TAF2: variants seen among roughly 807,000 people sequenced by gnomAD.
TAF2 encodes TATA-box binding protein associated factor 2.
In TAF2, 61 loss-of-function variants were observed where a neutral mutation model predicts 138.5. That is an observed-to-expected ratio of 0.44 (90% CI 0.36 to 0.54). The LOEUF is 0.54. TAF2 is among the 20% of genes least tolerant of loss of function. The pLI is 0.00. For missense variants in TAF2, 1,090 were observed against 1,427.9 expected (o/e 0.76, Z 3.81); for synonymous variants, 475 against 469.9 (o/e 1.01, Z -0.14).
At chr8:119,800,261 G>C (rs1203641902) in intron 6 of TAF2, among the ~76,000 whole-genome samples, 2 of 152,164 alleles carry the variant, frequency 1.3e-5, no homozygotes, top group Non-Finnish European at 2.9e-5. Flanking sequence ...TTCTTCTAGG[G>C]TTTTTATAGT....
chr8:119,736,598 A>G (rs948759195), intron 25 of TAF2, among the ~76,000 whole-genome samples: 4 of 152,224 alleles, frequency 2.6e-5, no homozygotes, highest in African/African-American at 4.8e-5. Context: ...TTGTTTTCCT[A>G]TAGACTTATA....
At chr8:119,750,033 T>C (rs1208326290) in intron 22 of TAF2, among the ~76,000 whole-genome samples, 1 of 152,180 alleles carries the variant, frequency 6.6e-6, no homozygotes, top group African/African-American at 2.4e-5. Context: ...ACCACCAAAG[T>C]AGTAAATCTG....
At chr8:119,797,596 A>G in intron 7 of TAF2, 66 bp downstream of exon 7, 2 of 1,507,512 alleles carry the variant, frequency 1.3e-6, no homozygotes, top group South Asian at 1.1e-5. Context: ...ATTGACCGCA[A>G]AATCAGTAAA....
intron 25 of TAF2, among the ~76,000 whole-genome samples, chr8:119,737,548 G>A (rs1234696207): frequency 4.3e-5 from 6 of 140,578 alleles, no homozygotes; most frequent in Middle Eastern, 3.9e-3. Flanking sequence ...TCACTCTGTC[G>A]CCCAGGCTGG....
chr8:119,732,666 T>C (rs1286322310), intron 25 of TAF2, among the ~76,000 whole-genome samples: 1 of 151,866 alleles, frequency 6.6e-6, no homozygotes, highest in African/African-American at 2.4e-5. Context: ...TAGCCGGGCA[T>C]GGTGGCGGGT....
intron 22 of TAF2, among the ~76,000 whole-genome samples, chr8:119,750,713 GATGTTAATATC>G (rs1166129316): frequency 6.6e-6 from 1 of 152,130 alleles, no homozygotes; most frequent in Non-Finnish European, 1.5e-5. Flanking sequence ...GAAACCTTCT[GATGTTAATATC>G]AAAACTGTTT....
intron 18 of TAF2, among the ~76,000 whole-genome samples, chr8:119,775,194 T>A (rs1328385832): frequency 6.8e-6 from 1 of 147,654 alleles, no homozygotes; most frequent in Non-Finnish European, 1.5e-5. Context: ...GGCAGGAGAA[T>A]CGCTTAAACC....
At chr8:119,813,156 T>C (rs1047098609) in intron 3 of TAF2, among the ~76,000 whole-genome samples, 1 of 152,160 alleles carries the variant, frequency 6.6e-6, no homozygotes, top group Admixed American at 6.6e-5. Context: ...TGGGATAAGG[T>C]GTATGTCATC....
intron 2 of TAF2, among the ~76,000 whole-genome samples, chr8:119,827,376 A>C (rs1309238090): frequency 6.6e-6 from 1 of 152,202 alleles, no homozygotes; most frequent in Non-Finnish European, 1.5e-5. Flanking sequence ...TTATCTGCAC[A>C]GACATGTAGC....
chr8:119,736,766 C>T (rs888772055), intron 25 of TAF2, among the ~76,000 whole-genome samples: 1 of 152,066 alleles, frequency 6.6e-6, no homozygotes, highest in Admixed American at 6.6e-5. Context: ...CAAAAAGAGT[C>T]GACCAGACAT....
intron 3 of TAF2, among the ~76,000 whole-genome samples, chr8:119,806,717 C>T (rs527597452): frequency 2.0e-5 from 3 of 152,114 alleles, no homozygotes; most frequent in African/African-American, 4.8e-5. Flanking sequence ...ATCCATTCAC[C>T]TTGGCCTCCC....
intron 24 of TAF2, among the ~76,000 whole-genome samples, chr8:119,743,898 A>C (rs1372864847): frequency 6.6e-6 from 1 of 152,164 alleles, no homozygotes; most frequent in Non-Finnish European, 1.5e-5. Context: ...TGACTGACAT[A>C]ATATTATATG....
chr8:119,755,748 G>A, intron 22 of TAF2, among the ~76,000 whole-genome samples: 1 of 152,080 alleles, frequency 6.6e-6, no homozygotes, highest in East Asian at 1.9e-4. Context: ...GCAGGCTCAT[G>A]TTTATAGCAC....
chr8:119,778,580 A>G (rs143221875), intron 17 of TAF2, among the ~76,000 whole-genome samples: 9 of 152,320 alleles, frequency 5.9e-5, no homozygotes, highest in Non-Finnish European at 7.3e-5. Context: ...CTCGTTGCCT[A>G]TTGAGTAGGA....
intron 20 of TAF2, 162 bp downstream of exon 20, chr8:119,760,437 G>A: frequency 1.3e-6 from 1 of 799,866 alleles, no homozygotes. Flanking sequence ...TAACTCTTAT[G>A]TGAATTCTAC....
chr8:119,832,381 A>G (rs1826516107), intron 1 of TAF2, 101 bp downstream of exon 1: 2 of 1,079,550 alleles, frequency 1.9e-6, no homozygotes, highest in African/African-American at 1.5e-5. Context: ...CTAGTTTCCC[A>G]CTAGGTTTCC....
chr8:119,755,939 G>T, intron 22 of TAF2, 67 bp downstream of exon 22: 1 of 1,287,136 alleles, frequency 7.8e-7, no homozygotes, highest in Non-Finnish European at 1.1e-6. Context: ...CTATTGAATT[G>T]AAAATCTGTT....
chr8:119,739,740 A>G (rs2130985726), intron 25 of TAF2, among the ~76,000 whole-genome samples: 1 of 150,778 alleles, frequency 6.6e-6, no homozygotes, highest in South Asian at 2.1e-4. Context: ...CCTGAGGAAC[A>G]GCATAAATGA....
chr8:119,797,969 T>C, intron 6 of TAF2, 123 bp from the exon 7 acceptor site: 2 of 949,256 alleles, frequency 2.1e-6, no homozygotes, highest in Non-Finnish European at 3.2e-6. Flanking sequence ...AATTTCAAGA[T>C]GCTGAAAGAA....
Sources: allele counts gnomAD v4.1 joint callset (sites outside exome capture counted in the v4.1 genomes callset), GRCh38; gene constraint gnomAD v4.1.1; transcripts MANE v1.5; gene names NCBI Gene and HGNC (gene_info 2026-07-23, HGNC 2026-07-21).